LRRC4C: variants seen among roughly 807,000 people sequenced by gnomAD.
The protein encoded by LRRC4C is leucine rich repeat containing 4C, also known as leucine-rich repeat-containing protein 4C.
Under a neutral mutation model 33.6 loss-of-function variants are expected in LRRC4C, and 5 were observed. The observed-to-expected ratio is 0.15, with a 90% CI of 0.08 to 0.31. The LOEUF is 0.31. LRRC4C is among the 10% of genes least tolerant of loss of function. The pLI is 1.00. For synonymous variants in LRRC4C, 329 were observed against 302.0 expected (o/e 1.09, Z -0.93); for missense variants, 560 against 796.7 (o/e 0.70, Z 3.58).
chr11:41,205,140 A>G (rs1946547037), intron 1 of LRRC4C, among the ~76,000 whole-genome samples: 1 of 152,190 alleles, frequency 6.6e-6, no homozygotes, highest in Admixed American at 6.5e-5. Context: ...AAAAAAAGTA[A>G]GTGTGACTGG....
At chr11:40,435,487 A>G (rs1951107036) in intron 3 of LRRC4C, among the ~76,000 whole-genome samples, 1 of 152,200 alleles carries the variant, frequency 6.6e-6, no homozygotes, top group Non-Finnish European at 1.5e-5. Flanking sequence ...TTGATTTATT[A>G]GATATTCCTC....
At chr11:41,344,219 A>G (rs1189045054) in intron 1 of LRRC4C, among the ~76,000 whole-genome samples, 2 of 143,850 alleles carry the variant, frequency 1.4e-5, no homozygotes, top group African/African-American at 5.1e-5. Context: ...TCCTCTGTGA[A>G]GCCTTTCTTT....
intron 2 of LRRC4C, among the ~76,000 whole-genome samples, chr11:40,689,028 G>A (rs1945100272): frequency 6.6e-6 from 1 of 151,238 alleles, no homozygotes; most frequent in Non-Finnish European, 1.5e-5. Context: ...TACTTTTCTT[G>A]TAAACACTAT....
chr11:40,731,821 C>A (rs1482225635), intron 2 of LRRC4C, among the ~76,000 whole-genome samples: 1 of 152,056 alleles, frequency 6.6e-6, no homozygotes, highest in Non-Finnish European at 1.5e-5. Flanking sequence ...TAAACAGCTT[C>A]TTTATTTTTC....
At chr11:40,553,344 A>G (rs1211969332) in intron 3 of LRRC4C, among the ~76,000 whole-genome samples, 1 of 152,154 alleles carries the variant, frequency 6.6e-6, no homozygotes, top group Non-Finnish European at 1.5e-5. Flanking sequence ...TTTTTATAGA[A>G]CTAAATTAAT....
At chr11:41,287,823 T>C (rs1949877091) in intron 1 of LRRC4C, among the ~76,000 whole-genome samples, 1 of 152,200 alleles carries the variant, frequency 6.6e-6, no homozygotes, top group Non-Finnish European at 1.5e-5. Context: ...CCCTGTCTCT[T>C]TCATACACAT....
chr11:40,736,184 C>T (rs951550118), intron 2 of LRRC4C, among the ~76,000 whole-genome samples: 2 of 151,902 alleles, frequency 1.3e-5, no homozygotes, highest in African/African-American at 4.8e-5. Context: ...CCCAAACAGG[C>T]CCCAGAGTGT....
chr11:40,700,912 A>T (rs1945834948), intron 2 of LRRC4C, among the ~76,000 whole-genome samples: 1 of 152,162 alleles, frequency 6.6e-6, no homozygotes. Context: ...TCCATGCCAA[A>T]CTCAAATTAT....
chr11:40,611,953 A>G (rs1961263764), intron 3 of LRRC4C, among the ~76,000 whole-genome samples: 1 of 151,856 alleles, frequency 6.6e-6, no homozygotes, highest in Non-Finnish European at 1.5e-5. Flanking sequence ...TAGTGCAGCC[A>G]CTATCTATCT....
intron 1 of LRRC4C, among the ~76,000 whole-genome samples, chr11:41,096,875 G>A (rs1460892134): frequency 6.6e-6 from 1 of 152,116 alleles, no homozygotes; most frequent in Non-Finnish European, 1.5e-5. Context: ...ACTCCCACTA[G>A]TGTGAGTAAA....
intron 1 of LRRC4C, among the ~76,000 whole-genome samples, chr11:41,092,444 A>C (rs559899325): frequency 6.6e-6 from 1 of 152,200 alleles, no homozygotes; most frequent in Admixed American, 6.5e-5. Flanking sequence ...ACTGTAGTAA[A>C]CTCTCAACAA....
intron 3 of LRRC4C, among the ~76,000 whole-genome samples, chr11:40,355,953 T>TATTGTATA (rs1947640928): frequency 8.2e-6 from 1 of 121,488 alleles, no homozygotes; most frequent in African/African-American, 2.8e-5. Context: ...AGTATAGTAT[T>TATTGTATA]GTATAGTATA....
chr11:41,364,093 A>G (rs776223492), intron 1 of LRRC4C, among the ~76,000 whole-genome samples: 6 of 152,278 alleles, frequency 3.9e-5, no homozygotes, highest in African/African-American at 1.2e-4. Context: ...GCCATAAACC[A>G]TGACCTTCTA....
intron 1 of LRRC4C, among the ~76,000 whole-genome samples, chr11:41,408,945 G>A (rs1954354114): frequency 6.6e-6 from 1 of 152,100 alleles, no homozygotes; most frequent in South Asian, 2.1e-4. Context: ...ATAACTAAAG[G>A]CAACGCAGCT....
At chr11:41,300,518 C>A (rs1306739090) in intron 1 of LRRC4C, among the ~76,000 whole-genome samples, 1 of 152,166 alleles carries the variant, frequency 6.6e-6, no homozygotes. Flanking sequence ...AACTAACGTC[C>A]TCTCTTCAAT....
intron 5 of LRRC4C, among the ~76,000 whole-genome samples, chr11:40,235,450 G>A (rs1865490096): frequency 6.6e-6 from 1 of 152,098 alleles, no homozygotes; most frequent in South Asian, 2.1e-4. Context: ...GTCATAATAT[G>A]TGTCTAAATG....
chr11:40,557,686 G>T (rs556175760), intron 3 of LRRC4C, among the ~76,000 whole-genome samples: 1 of 148,924 alleles, frequency 6.7e-6, no homozygotes, highest in Non-Finnish European at 1.5e-5. Flanking sequence ...AGGCGTGTGT[G>T]TGTGTGTGTG....
intron 1 of LRRC4C, among the ~76,000 whole-genome samples, chr11:41,451,558 G>T (rs1404221705): frequency 6.6e-6 from 1 of 152,022 alleles, no homozygotes. Flanking sequence ...ACACATCCAG[G>T]AGAGTCATGG....
intron 1 of LRRC4C, among the ~76,000 whole-genome samples, chr11:41,288,633 A>G (rs905539520): frequency 1.3e-5 from 2 of 152,204 alleles, no homozygotes; most frequent in African/African-American, 4.8e-5. Flanking sequence ...TCTTCAGTCC[A>G]GTGGCTGAAC....
Sources: gnomAD v4.1 joint callset for allele counts (sites outside exome capture counted in the v4.1 genomes callset) on GRCh38, gnomAD v4.1.1 for gene constraint, MANE v1.5 for transcripts, NCBI Gene and HGNC (gene_info 2026-07-23, HGNC 2026-07-21) for gene names.